IL1RL2: variants seen among roughly 807,000 people sequenced by gnomAD.
IL1RL2 encodes interleukin 1 receptor like 2.
Under a neutral mutation model 66.8 loss-of-function variants are expected in IL1RL2, and 68 were observed. That is an observed-to-expected ratio of 1.02 (90% CI 0.84 to 1.25). IL1RL2 has a LOEUF of 1.25. Ranked by LOEUF, IL1RL2 falls within the 50% of genes most tolerant of loss-of-function variation. The pLI is 0.00. For missense variants in IL1RL2, 729 were observed against 709.3 expected (o/e 1.03, Z -0.32); for synonymous variants, 305 against 264.6 (o/e 1.15, Z -1.48).
chr2:102,218,826 G>A, intron 6 of IL1RL2, 127 bp from the exon 7 acceptor site: 1 of 774,686 alleles, frequency 1.3e-6, no homozygotes, highest in South Asian at 1.8e-5. Context: ...ATTTGCCTAG[G>A]GGGCTATTTC....
chr2:102,197,740 C>G (rs1687908674), intron 4 of IL1RL2, among the ~76,000 whole-genome samples: 1 of 152,190 alleles, frequency 6.6e-6, no homozygotes, highest in Non-Finnish European at 1.5e-5. Context: ...ATTGAAGTGT[C>G]CAGTCTCCAG....
intron 4 of IL1RL2, among the ~76,000 whole-genome samples, chr2:102,198,575 A>T (rs542844406): frequency 6.6e-6 from 1 of 152,292 alleles, no homozygotes; most frequent in Admixed American, 6.5e-5. Context: ...GGCATTCAAC[A>T]TTGCTGGGCA....
rs180724749 is a variant in IL1RL2, at chr2:102,232,398, C to A, written c.1136-565C>A. ...AAAGTGCTGGGATTACAGGCATGAG[C>A]CACATGCCTGGCCACATCCTTGAAC... On this transcript the variant is annotated intron_variant, in intron 9 of 11. Transcript: ENST00000264257. 2.5e-4 allele frequency among the ~76,000 whole-genome samples: 38 copies of A among 152,212 alleles called. 1 individual carries two copies. The highest frequency in any genetic ancestry group is 7.5e-4 in the African/African-American group (31 of 41,536).
At chr2:102,206,376 A>G (rs1688701869) in intron 5 of IL1RL2, among the ~76,000 whole-genome samples, 2 of 152,116 alleles carry the variant, frequency 1.3e-5, no homozygotes. Flanking sequence ...ACTTATTTGT[A>G]CTTGTCCTTC....
intron 4 of IL1RL2, 120 bp downstream of exon 4, chr2:102,192,240 GAT>G: frequency 1.6e-6 from 1 of 611,802 alleles, no homozygotes; most frequent in Non-Finnish European, 2.8e-6. Flanking sequence ...GCCTAAGATA[GAT>G]TAGTTAGCTA....
chr2:102,204,659 T>C (rs975815818), intron 5 of IL1RL2, among the ~76,000 whole-genome samples: 7 of 151,768 alleles, frequency 4.6e-5, no homozygotes, highest in Admixed American at 1.3e-4. Context: ...TTGAAATCTA[T>C]TTTCTCTAAG....
intron 5 of IL1RL2, among the ~76,000 whole-genome samples, chr2:102,206,627 A>G (rs1688726340): frequency 6.6e-6 from 1 of 152,222 alleles, no homozygotes; most frequent in Non-Finnish European, 1.5e-5. Flanking sequence ...CTGATGGTGG[A>G]GTGACACAGG....
At chr2:102,219,604 T>C (rs1402073995) in intron 7 of IL1RL2, among the ~76,000 whole-genome samples, 2 of 152,060 alleles carry the variant, frequency 1.3e-5, no homozygotes, top group Non-Finnish European at 2.9e-5. Flanking sequence ...ATGGATAAGT[T>C]AGGATACTTG....
intron 6 of IL1RL2, among the ~76,000 whole-genome samples, chr2:102,213,393 G>T (rs759507547): frequency 6.6e-6 from 1 of 151,864 alleles, no homozygotes; most frequent in African/African-American, 2.4e-5. Flanking sequence ...TAAAATAATC[G>T]CACTTAATAA....
intron 6 of IL1RL2, among the ~76,000 whole-genome samples, chr2:102,217,050 T>C (rs1689673549): frequency 6.6e-6 from 1 of 152,192 alleles, no homozygotes; most frequent in Non-Finnish European, 1.5e-5. Context: ...TTTGAATTTA[T>C]CTCTACTGGT....
chr2:102,232,946 G>A lies in IL1RL2; in HGVS notation c.1136-17G>A. On this transcript the variant is annotated splice_polypyrimidine_tract_variant and intron_variant, in intron 9 of 11. Coordinates refer to ENST00000264257, the MANE Select transcript of IL1RL2 (RefSeq NM_003854.4). ...TTGGTAGCAACAATTCCACAAGCTT[G>A]TCCAATTCCTTTTCAGATGGGAAGC... The A allele has an allele frequency of 1.2e-6, 2 of 1,602,144 alleles. No homozygotes were observed. The highest frequency in any genetic ancestry group is 1.7e-6 in the Non-Finnish European group (2 of 1,171,102).
intron 6 of IL1RL2, among the ~76,000 whole-genome samples, chr2:102,215,271 G>A (rs370470926): frequency 6.6e-6 from 1 of 152,166 alleles, no homozygotes; most frequent in African/African-American, 2.4e-5. Context: ...TCATGCCACT[G>A]TCTTGGAATT....
intron 9 of IL1RL2, among the ~76,000 whole-genome samples, chr2:102,228,883 T>C (rs759912245): frequency 3.9e-5 from 6 of 152,128 alleles, no homozygotes; most frequent in Non-Finnish European, 8.8e-5. Context: ...AGATTTTTTT[T>C]CCCCCACAGG....
chr2:102,234,801 A>T, intron 10 of IL1RL2, 96 bp from the exon 11 acceptor site: 2 of 1,227,464 alleles, frequency 1.6e-6, no homozygotes, highest in South Asian at 2.9e-5. Context: ...AAAAAAAGTC[A>T]ATTTTCTCCT....
At chr2:102,191,364 A>G (rs867459677) in intron 3 of IL1RL2, among the ~76,000 whole-genome samples, 8 of 152,306 alleles carry the variant, frequency 5.3e-5, no homozygotes, top group Middle Eastern at 6.8e-3. Context: ...TCTATAATCT[A>G]TATTCTAATC....
Position 102,229,006 on chromosome 2 carries a change from A to C in IL1RL2, c.1135+2965A>C, listed in dbSNP as rs548422678. Among the ~76,000 whole-genome samples, 12 of 152,188 alleles carry C rather than the reference A, an allele frequency of 7.9e-5. 1 individual carries two copies. The highest frequency in any genetic ancestry group is 6.2e-4 in the South Asian group (3 of 4,830). On this transcript the variant is annotated intron_variant, in intron 9 of 11. Transcript: ENST00000264257. The stretch of plus-strand genomic sequence containing the variant: ...TTTTCTTCTAGTGTTTTCTATGCAT[A>C]TTGGGGGTAAACCCACCAAACCTCC...
Position 102,189,121 on chromosome 2 carries a change from G to A in IL1RL2, c.104G>A (p.Ser35Asn). Residue 35 changes from serine to asparagine, a missense_variant, in exon 3 of 12, where the codon AGC becomes AAC. Physicochemically the swap from Ser to Asn is conservative, Grantham distance 46. Transcript: ENST00000264257. ...IFMKNEILSA[S>N]QPFAFNCTFP... is the part of the protein sequence containing the mutation. The stretch of plus-strand genomic sequence containing the variant: ...ATGAAAAATGAGATACTTTCAGCAA[G>A]CCAGCCTTTTGCTTTTAATTGTACA... 6.2e-7 allele frequency: 1 copy of A among 1,614,064 alleles called. No individual in the cohort carries two copies. The highest frequency in any genetic ancestry group is 1.7e-4 in the Middle Eastern group (1 of 6,060).
intron 11 of IL1RL2, among the ~76,000 whole-genome samples, chr2:102,237,466 G>C (rs780349933): frequency 7.9e-5 from 12 of 152,310 alleles, no homozygotes; most frequent in Non-Finnish European, 1.6e-4. Flanking sequence ...AGCACTGCAG[G>C]CAGCCTTCAG....
chr2:102,216,319 T>C (rs939970388), intron 6 of IL1RL2, among the ~76,000 whole-genome samples: 1 of 152,180 alleles, frequency 6.6e-6, no homozygotes, highest in African/African-American at 2.4e-5. Flanking sequence ...TGTCTCTTCT[T>C]ATAATTTTTA....
Sources: gnomAD v4.1 joint callset for allele counts (sites outside exome capture counted in the v4.1 genomes callset) on GRCh38, gnomAD v4.1.1 for gene constraint, MANE v1.5 for transcripts, NCBI Gene and HGNC (gene_info 2026-07-23, HGNC 2026-07-21) for gene names.